The following STK32B variants were observed in gnomAD, a reference collection of about 807,000 sequenced individuals.
STK32B encodes serine/threonine-protein kinase 32B.
STK32B carries 43 observed loss-of-function variants against 52.6 expected under a neutral mutation model. The ratio of observed to expected loss-of-function variants is 0.82; its 90% CI spans 0.64 to 1.05. The LOEUF is 1.05. STK32B is among the 50% of genes least tolerant of loss of function. The pLI is 0.00. For missense variants in STK32B, 621 were observed against 534.6 expected (o/e 1.16, Z -1.59); for synonymous variants, 238 against 204.3 (o/e 1.17, Z -1.41).
chr4:5,236,796 G>A (rs1431045875), intron 3 of STK32B, among the ~76,000 whole-genome samples: 1 of 152,184 alleles, frequency 6.6e-6, no homozygotes, highest in African/African-American at 2.4e-5. Context: ...GGGCTTTTGA[G>A]TTATTTCCAG....
At chr4:5,457,220 T>C (rs1398315249) in intron 8 of STK32B, among the ~76,000 whole-genome samples, 2 of 148,218 alleles carry the variant, frequency 1.3e-5, no homozygotes, top group Non-Finnish European at 3.0e-5. Context: ...TTCTTTTTTT[T>C]TTTTTTTTTT....
At chr4:5,133,933 C>G (rs1715919781) in intron 1 of STK32B, among the ~76,000 whole-genome samples, 1 of 152,208 alleles carries the variant, frequency 6.6e-6, no homozygotes, top group African/African-American at 2.4e-5. Flanking sequence ...CAGGTTCACA[C>G]TGACTCAAAT....
At chr4:5,071,427 T>A (rs1219051539) in intron 1 of STK32B, among the ~76,000 whole-genome samples, 1 of 152,172 alleles carries the variant, frequency 6.6e-6, no homozygotes, top group Non-Finnish European at 1.5e-5. Context: ...GAATTCTCAC[T>A]TGTAGGAAAC....
At chr4:5,340,876 C>T (rs1004661533) in intron 4 of STK32B, among the ~76,000 whole-genome samples, 7 of 152,164 alleles carry the variant, frequency 4.6e-5, no homozygotes, top group African/African-American at 1.2e-4. Context: ...CATACATGCA[C>T]ATATACAAAT....
chr4:5,408,552 T>C (rs1737825702), intron 5 of STK32B, among the ~76,000 whole-genome samples: 1 of 152,080 alleles, frequency 6.6e-6, no homozygotes, highest in Non-Finnish European at 1.5e-5. Context: ...TAGACTCAGG[T>C]ATCCTTTTAT....
intron 1 of STK32B, among the ~76,000 whole-genome samples, chr4:5,110,338 C>T (rs1021183245): frequency 1.4e-5 from 2 of 146,866 alleles, no homozygotes; most frequent in African/African-American, 5.0e-5. Context: ...AATCTAGAGA[C>T]ATCACATTGC....
At chr4:5,140,081 T>A in intron 2 of STK32B, 121 bp downstream of exon 2, 1 of 1,482,650 alleles carries the variant, frequency 6.7e-7, no homozygotes. Flanking sequence ...CTTGACAAAC[T>A]TGAAATGTGA....
intron 3 of STK32B, among the ~76,000 whole-genome samples, chr4:5,243,808 A>T (rs1364875309): frequency 6.6e-6 from 1 of 152,082 alleles, no homozygotes; most frequent in East Asian, 1.9e-4. Flanking sequence ...AATTTTGTCA[A>T]AGGCCTTTTC....
intron 4 of STK32B, among the ~76,000 whole-genome samples, chr4:5,361,931 G>A (rs1734573547): frequency 6.6e-6 from 1 of 152,144 alleles, no homozygotes; most frequent in East Asian, 1.9e-4. Flanking sequence ...ATTGCAGTTT[G>A]GAAGATGCTA....
At chr4:5,432,043 G>A (rs3774841) in intron 6 of STK32B, among the ~76,000 whole-genome samples, 39,380 of 152,086 alleles carry the variant, frequency 0.26, 7,698 homozygotes, top group East Asian at 0.54. Context: ...ATGAATTACT[G>A]TAACAAAAAC....
chr4:5,219,777 G>T (rs558578083), intron 3 of STK32B, among the ~76,000 whole-genome samples: 1 of 152,326 alleles, frequency 6.6e-6, no homozygotes, highest in African/African-American at 2.4e-5. Flanking sequence ...ACTGCCCCAG[G>T]ATGCTGTCTT....
rs558389013 is a variant in STK32B, at chr4:5,436,666, G to A, written c.563-10007G>A. 1.9e-5 allele frequency: 19 copies of A among 985,366 alleles called. No homozygotes were observed. The South Asian group carries it at 3.3e-4, about 17-fold the overall frequency. 61.0% of individuals were successfully genotyped at this position (985,366 alleles called of 1,614,324 possible). On this transcript the variant is annotated intron_variant, in intron 6 of 11. Transcript: ENST00000282908. ...CAAAGCTGAGGAAGGGAGGGTACACGCGCTATTAGGAGTTAGAATCACGCA... is the reference window on the plus strand; with the variant it reads ...CAAAGCTGAGGAAGGGAGGGTACACACGCTATTAGGAGTTAGAATCACGCA...
At chr4:5,184,039 G>A (rs1324334453) in intron 3 of STK32B, among the ~76,000 whole-genome samples, 1 of 152,158 alleles carries the variant, frequency 6.6e-6, no homozygotes, top group African/African-American at 2.4e-5. Context: ...ATGTTCACTG[G>A]AGTAGCACTT....
At chr4:5,038,985 C>CTTTTTT in the STK32B span, among the ~76,000 whole-genome samples, 36 of 122,296 alleles carry the variant, frequency 2.9e-4, no homozygotes, top group African/African-American at 4.7e-4. Context: ...AAATTTCTTT[C>CTTTTTT]TTTTTTTTTT....
In STK32B at chr4:5,441,679, CT is replaced by C. The variant is rs1190179849; in HGVS notation, c.563-4990del. 5.3e-5 allele frequency among the ~76,000 whole-genome samples: 8 copies of C among 152,104 alleles called. No individual in the cohort carries two copies. In the East Asian group the frequency reaches 1.5e-3, roughly 29 times the overall value. ...TGTGTTTGCTCTTGCTTCTGTAGTT[CT>C]TTTAATTGTGATGTTAGGGTGTCAA... On this transcript the variant is annotated intron_variant, in intron 6 of 11. Transcript: ENST00000282908.
At chr4:5,482,820 C>T (rs554130610) in intron 11 of STK32B, among the ~76,000 whole-genome samples, 1 of 152,226 alleles carries the variant, frequency 6.6e-6, no homozygotes, top group South Asian at 2.1e-4. Flanking sequence ...TTGTCAAAGG[C>T]CTTTTCTGCA....
Position 5,386,273 on chromosome 4 carries a change from G to T in STK32B, c.435-11934G>T, listed in dbSNP as rs1310129734. On this transcript the variant is annotated intron_variant, in intron 4 of 11. Transcript: ENST00000282908. The surrounding 1 kb of genome is among the most constrained non-coding windows in gnomAD (Gnocchi z 4.5). ...TGTCTCTTGTTTTCTTAGCTCCTGG[G>T]TAAGCTCCAGAAGGCAGGTCTCAGT... 2.0e-5 allele frequency among the ~76,000 whole-genome samples: 3 copies of T among 152,092 alleles called. No individual in the cohort carries two copies. Among genetic ancestry groups the T allele is most frequent in the Non-Finnish European group, 4.4e-5 (3 of 68,026 alleles).
At chr4:5,256,471 C>G (rs949847437) in intron 3 of STK32B, among the ~76,000 whole-genome samples, 2 of 152,194 alleles carry the variant, frequency 1.3e-5, no homozygotes, top group Admixed American at 1.3e-4. Flanking sequence ...AGTAATTCTT[C>G]CCCGGCTCTA....
intron 1 of STK32B, among the ~76,000 whole-genome samples, chr4:5,057,568 CT>C (rs1382716663): frequency 6.6e-6 from 1 of 152,024 alleles, no homozygotes; most frequent in Non-Finnish European, 1.5e-5. Context: ...GGGCCTAGAG[CT>C]TGGGGGTTGG....
Sources: gnomAD v4.1 joint callset for allele counts (sites outside exome capture counted in the v4.1 genomes callset) on GRCh38, gnomAD v4.1.1 for gene constraint, Gnocchi (gnomAD v3.1) non-coding constraint, MANE v1.5 for transcripts, NCBI Gene and HGNC (gene_info 2026-07-23, HGNC 2026-07-21) for gene names.